Variants in EFNA5 observed in about 807,000 individuals in gnomAD.
The protein encoded by EFNA5 is ephrin-A5.
In EFNA5, 5 loss-of-function variants were observed where a neutral mutation model predicts 22.9. The observed-to-expected ratio is 0.22, with a 90% CI of 0.11 to 0.46. EFNA5 has a LOEUF of 0.46. EFNA5 is among the 20% of genes least tolerant of loss of function. EFNA5 has a pLI of 0.99. For missense variants in EFNA5, 237 were observed against 293.3 expected, an observed-to-expected ratio of 0.81 and a Z score of 1.40; for synonymous variants, 113 against 112.2, an observed-to-expected ratio of 1.01 and a Z score of -0.04.
At chr5:107,615,386 C>T (rs1749891784) in intron 1 of EFNA5, among the ~76,000 whole-genome samples, 1 of 152,018 alleles carries the variant, frequency 6.6e-6, no homozygotes, top group African/African-American at 2.4e-5. Context: ...TTTAAAAAAA[C>T]ATTCAGGGGG....
chr5:107,524,378 A>G (rs1411658341), intron 1 of EFNA5, among the ~76,000 whole-genome samples: 3 of 152,246 alleles, frequency 2.0e-5, no homozygotes, highest in Admixed American at 6.5e-5. Context: ...CCCACAGCAC[A>G]GGTTGAGTGA....
At chr5:107,498,343 T>G (rs1580496274) in intron 1 of EFNA5, among the ~76,000 whole-genome samples, 1 of 152,352 alleles carries the variant, frequency 6.6e-6, no homozygotes, top group East Asian at 1.9e-4. Flanking sequence ...TCATTCTTAC[T>G]AGGGCAGTGG....
chr5:107,662,790 T>TAAA (rs5870277), intron 1 of EFNA5, among the ~76,000 whole-genome samples: 3 of 133,364 alleles, frequency 2.2e-5, no homozygotes, highest in Admixed American at 7.5e-5. Context: ...CTTGAGTAAT[T>TAAA]AAAAAAAAAA....
intron 2 of EFNA5, among the ~76,000 whole-genome samples, chr5:107,422,036 T>G (rs549113904): frequency 1.4e-4 from 21 of 152,236 alleles, no homozygotes; most frequent in African/African-American, 5.1e-4. Context: ...GGTGATCCAC[T>G]TGCCTTGGCC....
intron 1 of EFNA5, among the ~76,000 whole-genome samples, chr5:107,453,394 A>G (rs1443500419): frequency 2.0e-5 from 3 of 152,180 alleles, no homozygotes; most frequent in Non-Finnish European, 4.4e-5. Context: ...ATTATTACCA[A>G]CTGGGTCTTA....
At chr5:107,597,761 T>C (rs919235043) in intron 1 of EFNA5, among the ~76,000 whole-genome samples, 5 of 152,038 alleles carry the variant, frequency 3.3e-5, no homozygotes, top group African/African-American at 1.2e-4. Flanking sequence ...GAACCAGAGA[T>C]TTTCAACATG....
chr5:107,547,544 C>T (rs115924035), intron 1 of EFNA5, among the ~76,000 whole-genome samples: 3,055 of 150,808 alleles, frequency 0.02, 120 homozygotes, highest in African/African-American at 0.07. Flanking sequence ...AAAAAAAATA[C>T]AAGCCTACTT....
At chr5:107,558,641 T>C (rs984109306) in intron 1 of EFNA5, among the ~76,000 whole-genome samples, 4 of 152,332 alleles carry the variant, frequency 2.6e-5, no homozygotes, top group South Asian at 2.1e-4. Flanking sequence ...TCTTTGTCCA[T>C]ATTAAGGCCA....
chr5:107,525,432 A>T (rs1747675039), intron 1 of EFNA5, among the ~76,000 whole-genome samples: 1 of 152,136 alleles, frequency 6.6e-6, no homozygotes, highest in South Asian at 2.1e-4. Context: ...CATTTGACCA[A>T]CCTCCATGCA....
At chr5:107,474,722 C>T (rs1199337663) in intron 1 of EFNA5, among the ~76,000 whole-genome samples, 1 of 152,126 alleles carries the variant, frequency 6.6e-6, no homozygotes, top group African/African-American at 2.4e-5. Flanking sequence ...ACAGGAAACA[C>T]CACCTCAATC....
intron 1 of EFNA5, among the ~76,000 whole-genome samples, chr5:107,441,030 CAG>C (rs1749243194): frequency 7.7e-6 from 1 of 129,498 alleles, no homozygotes. Flanking sequence ...TTTTTTTTTT[CAG>C]TTCTACAAAT....
chr5:107,602,436 T>C (rs576338930), intron 1 of EFNA5, among the ~76,000 whole-genome samples: 33 of 152,320 alleles, frequency 2.2e-4, no homozygotes, highest in African/African-American at 7.7e-4. Context: ...AATCAGAGCC[T>C]ATTAAGCCTG....
intron 2 of EFNA5, among the ~76,000 whole-genome samples, chr5:107,399,367 A>AAGGAAAGGAAAGGAAAG (rs1748025917): frequency 6.8e-6 from 1 of 147,692 alleles, no homozygotes; most frequent in South Asian, 2.2e-4. Context: ...AAGGAAAGGA[A>AAGGAAAGGAAAGGAAAG]GGAGGGAGGA....
intron 1 of EFNA5, among the ~76,000 whole-genome samples, chr5:107,482,852 CTCTCTCTCTCTCTCTCTCTATA>C (rs1561406356): frequency 2.9e-3 from 197 of 67,742 alleles, no homozygotes; most frequent in African/African-American, 0.012. Flanking sequence ...CTCTCTCTCT[CTCTCTCTCTCTCTCTCTCTATA>C]TATATATATA....
chr5:107,660,642 C>T lies in EFNA5; in HGVS notation c.125+9847G>A, dbSNP rs141303252. Among the ~76,000 whole-genome samples, 7 of 152,088 alleles carry T rather than the reference C, an allele frequency of 4.6e-5. No homozygotes were observed. The East Asian group carries it at 1.4e-3, about 29-fold the overall frequency. On this transcript the variant is annotated intron_variant, in intron 1 of 4. Coordinates refer to ENST00000333274, the MANE Select transcript of EFNA5 (RefSeq NM_001962.3). ...TTCACAGACTTTAAAAAAATTATCACTTGTGATACAAAATACCTGGGTGCT... is the reference window on the plus strand; with the variant it reads ...TTCACAGACTTTAAAAAAATTATCATTTGTGATACAAAATACCTGGGTGCT...
In EFNA5 at chr5:107,377,258, A is replaced by T. The variant is rs1344546590; in HGVS notation, c.*3997T>A. The T allele has an allele frequency of 6.6e-6, 1 of 152,190 alleles. No individual in the cohort carries two copies. Among genetic ancestry groups the T allele is most frequent in the African/African-American group, 2.4e-5 (1 of 41,444 alleles). 9.4% of individuals were successfully genotyped at this position (152,190 alleles called of 1,614,324 possible). ...CAATGGGAGCAAGCCCATTGTAGGG[A>T]GATTTGTCTCACATCCTAGCAGCCC... On this transcript the variant is annotated 3_prime_UTR_variant, in exon 5 of 5. Transcript: ENST00000333274.
At chr5:107,647,065 G>A (rs1185634656) in intron 1 of EFNA5, among the ~76,000 whole-genome samples, 1 of 151,982 alleles carries the variant, frequency 6.6e-6, no homozygotes, top group East Asian at 1.9e-4. Flanking sequence ...TTCAAAAATA[G>A]CATCTCTGTG....
Position 107,427,522 on chromosome 5 carries a change from GAA to G in EFNA5, c.126-15_126-14del. ...ACCCCTCTGGAATCTGTTAGAAAAA[GAA>G]AAAAAAATGTGATAATTCATAGAGA... On this transcript the variant is annotated splice_polypyrimidine_tract_variant and intron_variant, in intron 1 of 4. Transcript: ENST00000333274. 1.3e-6 allele frequency: 2 copies of G among 1,533,144 alleles called. No individual in the cohort carries two copies. Among genetic ancestry groups the G allele is most frequent in the Non-Finnish European group, 1.8e-6 (2 of 1,139,972 alleles). The allele number at this position is 1,533,144 out of a possible 1,614,324, so 95.0% of individuals were successfully genotyped here.
At chr5:107,547,045 A>T (rs988002534) in intron 1 of EFNA5, among the ~76,000 whole-genome samples, 17 of 152,292 alleles carry the variant, frequency 1.1e-4, no homozygotes, top group African/African-American at 4.1e-4. Context: ...AGTCACACAG[A>T]CAAGCTCAAA....
Sources: allele counts gnomAD v4.1 joint callset (sites outside exome capture counted in the v4.1 genomes callset), GRCh38; gene constraint gnomAD v4.1.1; transcripts MANE v1.5; gene names NCBI Gene and HGNC (gene_info 2026-07-23, HGNC 2026-07-21).